Variants in TTYH2 observed in about 807,000 individuals in gnomAD.
TTYH2 encodes tweety family member 2.
In TTYH2, 49 loss-of-function variants were observed where a neutral mutation model predicts 68.3. The observed-to-expected ratio is 0.72, with a 90% CI of 0.57 to 0.91. The LOEUF is 0.91. Ranked by LOEUF, TTYH2 falls within the 40% of genes least tolerant of loss-of-function variation. TTYH2 has a pLI of 0.00. For missense variants in TTYH2, 631 were observed against 700.4 expected (o/e 0.90, Z 1.12); for synonymous variants, 272 against 300.8 (o/e 0.90, Z 0.99).
Position 74,214,357 on chromosome 17 carries a change from C to T in TTYH2, c.129+641C>T, listed in dbSNP as rs1397852670. Among the ~76,000 whole-genome samples, 1 of 152,070 alleles carries T rather than the reference C, an allele frequency of 6.6e-6. No individual in the cohort carries two copies. The highest frequency in any genetic ancestry group is 6.6e-5 in the Admixed American group (1 of 15,260). ...CGCTTGTTCCAGGGAAGGAAGGTGG[C>T]CTCCGTCAGCCCATCTCACACTGTT... On this transcript the variant is annotated intron_variant, in intron 1 of 13. Transcript: ENST00000269346. The surrounding 1 kb of genome is among the most constrained non-coding windows in gnomAD (Gnocchi z 4.6).
At chr17:74,224,419 T>C (rs78322874) in intron 2 of TTYH2, among the ~76,000 whole-genome samples, 8,980 of 152,048 alleles carry the variant, frequency 0.059, 752 homozygotes, top group African/African-American at 0.19. Flanking sequence ...CACACATACA[T>C]GCACACACAC....
intron 9 of TTYH2, 27 bp from the exon 10 acceptor site, chr17:74,250,238 G>A (rs1456606868): frequency 6.4e-7 from 1 of 1,568,230 alleles, no homozygotes; most frequent in Non-Finnish European, 8.6e-7. Context: ...CAGCCCCTCG[G>A]CCTCTCTCGC....
Position 74,230,953 on chromosome 17 carries a change from A to G in TTYH2, c.368A>G (p.Tyr123Cys). The G allele has an allele frequency of 6.2e-7, 1 of 1,614,012 alleles. No individual in the cohort carries two copies. Among genetic ancestry groups the G allele is most frequent in the Middle Eastern group, 1.7e-4 (1 of 6,050 alleles). ...AACGATGGGGCGTACCAGCTGATGTACTCCTTGGACGATGCCAACCACACC... is the reference window on the plus strand; with the variant it reads ...AACGATGGGGCGTACCAGCTGATGTGCTCCTTGGACGATGCCAACCACACC... ...ETNDGAYQLMYSLDDANHTFS... is the reference protein window; with the variant it reads ...ETNDGAYQLMCSLDDANHTFS... The change falls in exon 3 of 14, where the codon TAC becomes TGC. Residue 123 changes from tyrosine to cysteine, a missense_variant. Transcript: ENST00000269346.
intron 6 of TTYH2, among the ~76,000 whole-genome samples, chr17:74,247,219 T>C (rs1293556047): frequency 1.3e-5 from 2 of 150,444 alleles, no homozygotes; most frequent in Non-Finnish European, 2.9e-5. Flanking sequence ...CTTGTGAGAC[T>C]TATTCATTAT....
chr17:74,258,175 G>A (rs1719840900), intron 13 of TTYH2, among the ~76,000 whole-genome samples: 1 of 152,016 alleles, frequency 6.6e-6, no homozygotes, highest in African/African-American at 2.4e-5. Flanking sequence ...AAAAGAAGAA[G>A]GAGGGTCTCA....
In TTYH2 at chr17:74,222,786, C is replaced by A; in HGVS notation, c.302+129C>A. The A allele has an allele frequency of 1.7e-6, 2 of 1,155,826 alleles. No individual in the cohort carries two copies. The highest frequency in any genetic ancestry group is 1.7e-5 in the African/African-American group (1 of 59,124). 71.6% of individuals were successfully genotyped at this position (1,155,826 alleles called of 1,614,324 possible). On this transcript the variant is annotated intron_variant, in intron 2 of 13. Coordinates refer to ENST00000269346, the MANE Select transcript of TTYH2 (RefSeq NM_032646.6). This position sits in a 1 kb window ranked among gnomAD's most constrained non-coding sequence, Gnocchi z 5.2. ...AAGCTTGTCCCCAGATGAATGTTGT[C>A]CCTTTTTTTTTTTTTACCAAGCATC...
rs1446216342 is a variant in TTYH2, at chr17:74,243,457, G to A, written c.719G>A (p.Cys240Tyr). ...ACLGLAKRSK[C>Y]LLASMLCCGA... ...CTGGGACTGGCCAAGCGCTCCAAGT[G>A]TCTCCTGGCCTCGTGAGTATCCCTA... is the stretch of plus-strand genomic sequence containing the variant. The change falls in exon 5 of 14, where the codon TGT (cysteine) becomes TAT (tyrosine). Residue 240 changes from cysteine (C) to tyrosine (Y), a missense_variant. Transcript: ENST00000269346. 2 of 1,614,144 alleles carry A rather than the reference G, an allele frequency of 1.2e-6. No homozygotes were observed. Among genetic ancestry groups the A allele is most frequent in the East Asian group, 4.5e-5 (2 of 44,876 alleles).
rs151097607 is a variant in TTYH2 at position 74,214,409 on chromosome 17, G to A, written c.129+693G>A. Reference sequence around the variant, plus strand: ...TCCTGAGGACCCCCTTGCATTGACAGTCAGCTTCTCTGTGTCCCCTGGTCC... The same window carrying A: ...TCCTGAGGACCCCCTTGCATTGACAATCAGCTTCTCTGTGTCCCCTGGTCC... On this transcript the variant is annotated intron_variant, in intron 1 of 13. Transcript: ENST00000269346. The surrounding 1 kb of genome is among the most constrained non-coding windows in gnomAD (Gnocchi z 4.6). Among the ~76,000 whole-genome samples, 4 of 152,262 alleles carry A rather than the reference G, an allele frequency of 2.6e-5. No individual in the cohort carries two copies. Among genetic ancestry groups the A allele is most frequent in the Non-Finnish European group, 4.4e-5 (3 of 68,002 alleles).
At position 74,253,154 on chromosome 17, in the gene TTYH2, C is replaced by T. The variant is rs750942994; in HGVS notation, c.1333C>T (p.Pro445Ser). 4 of 1,614,002 alleles carry T rather than the reference C, an allele frequency of 2.5e-6. No individual in the cohort carries two copies. The highest frequency in any genetic ancestry group is 1.7e-6 in the Non-Finnish European group (2 of 1,179,968). The change falls in exon 12 of 14, where the codon CCC (proline) becomes TCC (serine). Residue 445 changes from proline (P) to serine (S), a missense_variant. Transcript: ENST00000269346. The part of the protein sequence containing the change: ...PQAWRMAAHS[P>S]PRGQLHSFCS... ...AGCCTGGCGCATGGCGGCTCACAGT[C>T]CCCCGAGGGGACAGCTTCACAGCTT... is the stretch of plus-strand genomic sequence containing the variant.
At chr17:74,224,113 A>G (rs2050306167) in intron 2 of TTYH2, among the ~76,000 whole-genome samples, 1 of 152,196 alleles carries the variant, frequency 6.6e-6, no homozygotes, top group Admixed American at 6.5e-5. Context: ...ACTGGTGTTA[A>G]AAATCCTCCT....
Position 74,251,993 on chromosome 17 carries a change from G to A in TTYH2, c.1117-241G>A, listed in dbSNP as rs1366048717. On this transcript the variant is annotated intron_variant, in intron 10 of 13. Transcript: ENST00000269346. ...ACCTCCTCCGCCCTGTTCAGAGCCA[G>A]CTTCTTAGTGCCCAGCTCACAGTAA... 31 of 532,996 alleles carry A rather than the reference G, an allele frequency of 5.8e-5. No individual in the cohort carries two copies. In the South Asian group the frequency reaches 6.5e-4, roughly 11 times the overall value. 33.0% of individuals were successfully genotyped at this position (532,996 alleles called of 1,614,324 possible). A position where few individuals can be genotyped will look rare whatever the true frequency, so the allele number is the denominator to read the frequency against.
chr17:74,215,170 C>CGTAT lies in TTYH2; in HGVS notation c.129+1456_129+1457insATGT, dbSNP rs1029397720. Among the ~76,000 whole-genome samples the CGTAT allele has an allele frequency of 6.8e-6, 1 of 147,384 alleles. No individual in the cohort carries two copies. Among genetic ancestry groups the CGTAT allele is most frequent in the Non-Finnish European group, 1.5e-5 (1 of 66,622 alleles). On this transcript the variant is annotated intron_variant, in intron 1 of 13. Coordinates refer to ENST00000269346, the MANE Select transcript of TTYH2 (RefSeq NM_032646.6). The surrounding 1 kb of genome is among the most constrained non-coding windows in gnomAD (Gnocchi z 4.3). ...AGGCGGATATGATTTCAGAAACAGC[C>CGTAT]GTGTGTGTGTGTGTGTGTGTGTGTG... is the stretch of plus-strand genomic sequence containing the variant.
chr17:74,260,418 C>T lies in TTYH2; in HGVS notation c.*209C>T. On this transcript the variant is annotated 3_prime_UTR_variant, in exon 14 of 14. Coordinates refer to ENST00000269346, the MANE Select transcript of TTYH2 (RefSeq NM_032646.6). The stretch of plus-strand genomic sequence containing the variant: ...CAGCCTCTCTCTTTTGCCCTGCTCT[C>T]CACACCAGAAATGCCCCCAGGTGCT... 2 of 582,634 alleles carry T rather than the reference C, an allele frequency of 3.4e-6. No individual in the cohort carries two copies. Among genetic ancestry groups the T allele is most frequent in the South Asian group, 4.0e-5 (2 of 50,462 alleles). The allele number at this position is 582,634 out of a possible 1,614,324, so 36.1% of individuals were successfully genotyped here. A position where few individuals can be genotyped will look rare whatever the true frequency, so the allele number is the denominator to read the frequency against.
In TTYH2 at chr17:74,230,600, C is replaced by T. The variant is rs565019382; in HGVS notation, c.303-288C>T. On this transcript the variant is annotated intron_variant, in intron 2 of 13. Transcript: ENST00000269346. ...CAGATATATGGGAACTCTCTACTGT[C>T]CACTTAATTTTGCTGTGAACCTAAA... Among the ~76,000 whole-genome samples the T allele has an allele frequency of 4.7e-4, 71 of 152,000 alleles. No individual in the cohort carries two copies. In the Middle Eastern group the frequency reaches 0.017, roughly 37 times the overall value.
intron 2 of TTYH2, among the ~76,000 whole-genome samples, chr17:74,226,118 ACAGT>A (rs2050327146): frequency 6.6e-6 from 1 of 152,220 alleles, no homozygotes; most frequent in Non-Finnish European, 1.5e-5. Flanking sequence ...AGAGAAGCAG[ACAGT>A]CAGTTTGGTT....
chr17:74,231,140 G>A (rs2050385300), intron 3 of TTYH2, 141 bp downstream of exon 3: 1 of 754,144 alleles, frequency 1.3e-6, no homozygotes, highest in Admixed American at 2.7e-5. Flanking sequence ...ACCCCCGCCT[G>A]CGCTGCAGTT....
At chr17:74,219,478 G>A (rs942954838) in intron 1 of TTYH2, among the ~76,000 whole-genome samples, 5 of 151,760 alleles carry the variant, frequency 3.3e-5, no homozygotes, top group African/African-American at 4.9e-5. Flanking sequence ...GAGCACCTGC[G>A]TGCGTGGTAT....
chr17:74,215,544 C>A lies in TTYH2; in HGVS notation c.129+1828C>A. The A allele has an allele frequency of 7.8e-7, 1 of 1,276,548 alleles. No homozygotes were observed. Among genetic ancestry groups the A allele is most frequent in the Non-Finnish European group, 1.1e-6 (1 of 924,328 alleles). The allele number at this position is 1,276,548 out of a possible 1,614,324, so 79.1% of individuals were successfully genotyped here. A position where few individuals can be genotyped will look rare whatever the true frequency, so the allele number is the denominator to read the frequency against. On this transcript the variant is annotated intron_variant, in intron 1 of 13. Transcript: ENST00000269346. The surrounding 1 kb of genome is among the most constrained non-coding windows in gnomAD (Gnocchi z 4.3). ...GGCATCAAATGGTTCCAGAGGGTGT[C>A]CCTTCCCATCGGCCACTGCTCCTGG...
intron 13 of TTYH2, among the ~76,000 whole-genome samples, chr17:74,256,376 C>T (rs148551434): frequency 5.3e-4 from 81 of 152,240 alleles, no homozygotes; most frequent in African/African-American, 1.9e-3. Context: ...AAGCACGGTG[C>T]AGCCCCAAAT....
Sources: allele counts gnomAD v4.1 joint callset (sites outside exome capture counted in the v4.1 genomes callset), GRCh38; gene constraint gnomAD v4.1.1; non-coding constraint Gnocchi (gnomAD v3.1); transcripts MANE v1.5; gene names NCBI Gene and HGNC (gene_info 2026-07-23, HGNC 2026-07-21).